Variants in GRIK4 observed in about 807,000 individuals in gnomAD.
GRIK4 encodes glutamate ionotropic receptor kainate type subunit 4.
In GRIK4, 40 loss-of-function variants were observed where a neutral mutation model predicts 104.9. The ratio of observed to expected loss-of-function variants is 0.38; its 90% CI spans 0.30 to 0.50. GRIK4 has a LOEUF of 0.50. Among genes scored for constraint, GRIK4 ranks in the 20% least tolerant of loss-of-function variants. The pLI, the probability that GRIK4 is intolerant of heterozygous loss-of-function variation, is 0.93. For synonymous variants in GRIK4, 485 were observed against 524.9 expected, an observed-to-expected ratio of 0.92 and a Z score of 1.04; for missense variants, 1,047 against 1,308.1, an observed-to-expected ratio of 0.80 and a Z score of 3.08.
intron 6 of GRIK4, among the ~76,000 whole-genome samples, chr11:120,826,853 C>T (rs1953277117): frequency 6.6e-6 from 1 of 152,220 alleles, no homozygotes; most frequent in Admixed American, 6.5e-5. Context: ...TTCTGTGCCC[C>T]TTCCCCACCT....
At chr11:120,522,316 C>CTTTT (rs955453557) in intron 1 of GRIK4, among the ~76,000 whole-genome samples, 4 of 152,008 alleles carry the variant, frequency 2.6e-5, no homozygotes, top group African/African-American at 4.8e-5. Context: ...TCCCATGGGT[C>CTTTT]TTTTTTTTCT....
At chr11:120,765,715 C>T (rs1591885126) in intron 3 of GRIK4, among the ~76,000 whole-genome samples, 1 of 152,262 alleles carries the variant, frequency 6.6e-6, no homozygotes, top group East Asian at 1.9e-4. Context: ...AACAGTCAGG[C>T]CTCTCTTCTG....
At chr11:120,776,659 T>C (rs1420504117) in intron 3 of GRIK4, among the ~76,000 whole-genome samples, 2 of 152,206 alleles carry the variant, frequency 1.3e-5, no homozygotes, top group African/African-American at 4.8e-5. Context: ...CGAGTGTTTC[T>C]GGCGCAGGGT....
At chr11:120,527,954 T>C (rs1024285224) in intron 1 of GRIK4, among the ~76,000 whole-genome samples, 6 of 152,150 alleles carry the variant, frequency 3.9e-5, no homozygotes, top group African/African-American at 1.4e-4. Flanking sequence ...TAGAGTGAGC[T>C]CATCAACAAA....
intron 3 of GRIK4, among the ~76,000 whole-genome samples, chr11:120,776,811 G>A (rs984022053): frequency 1.3e-5 from 2 of 152,226 alleles, no homozygotes; most frequent in African/African-American, 4.8e-5. Flanking sequence ...GCACCTGGCG[G>A]TGTGGGTCTC....
chr11:120,877,699 C>T (rs1954856378), intron 11 of GRIK4, among the ~76,000 whole-genome samples: 1 of 152,080 alleles, frequency 6.6e-6, no homozygotes, highest in Non-Finnish European at 1.5e-5. Context: ...ATATATGTGA[C>T]ATAGTGTCAG....
chr11:120,962,729 G>T (rs1443683719), intron 18 of GRIK4, 48 bp downstream of exon 18: 3 of 1,335,052 alleles, frequency 2.2e-6, no homozygotes, highest in Non-Finnish European at 2.1e-6. Context: ...TCCAGACAGG[G>T]TCAGGGTAGC....
At chr11:120,570,082 G>GGAGCCAC (rs1948377942) in intron 1 of GRIK4, among the ~76,000 whole-genome samples, 2 of 152,314 alleles carry the variant, frequency 1.3e-5, no homozygotes, top group East Asian at 3.9e-4. Flanking sequence ...CCTGTTGGTG[G>GGAGCCAC]CAACAATAAA....
At chr11:120,782,555 G>A (rs1952179506) in intron 3 of GRIK4, among the ~76,000 whole-genome samples, 1 of 152,130 alleles carries the variant, frequency 6.6e-6, no homozygotes, top group Non-Finnish European at 1.5e-5. Context: ...AAAGTGCTGG[G>A]ATTACAGGCA....
chr11:120,642,340 A>G (rs188185988), intron 1 of GRIK4, among the ~76,000 whole-genome samples: 179 of 151,748 alleles, frequency 1.2e-3, no homozygotes, highest in African/African-American at 3.7e-3. Flanking sequence ...TCTGTAAGGG[A>G]AAAAACAAAA....
chr11:120,724,152 T>TTTGTTTG (rs1186045178), intron 3 of GRIK4, among the ~76,000 whole-genome samples: 2 of 152,150 alleles, frequency 1.3e-5, no homozygotes, highest in Admixed American at 1.3e-4. Flanking sequence ...CCTTTTTTTG[T>TTTGTTTG]TTGTTTGTTT....
At chr11:120,531,915 G>A (rs575073480) in intron 1 of GRIK4, among the ~76,000 whole-genome samples, 4 of 152,258 alleles carry the variant, frequency 2.6e-5, no homozygotes, top group African/African-American at 4.8e-5. Context: ...CATGGTTGTG[G>A]CCCAAGGATG....
chr11:120,534,659 C>G (rs961936557), intron 1 of GRIK4, among the ~76,000 whole-genome samples: 14 of 152,180 alleles, frequency 9.2e-5, no homozygotes, highest in Non-Finnish European at 2.1e-4. Context: ...CATACAGTGT[C>G]TAGTGGATTT....
At chr11:120,665,309 T>C (rs190454291) in intron 3 of GRIK4, among the ~76,000 whole-genome samples, 7 of 152,330 alleles carry the variant, frequency 4.6e-5, no homozygotes, top group Admixed American at 4.6e-4. Context: ...TATGAAATTT[T>C]GATCAGCATG....
intron 1 of GRIK4, chr11:120,576,309 C>G (rs759683548): frequency 2.0e-5 from 3 of 152,192 alleles, no homozygotes; most frequent in Non-Finnish European, 4.4e-5. Context: ...TCATAGTTGA[C>G]ATCTTAAGAA....
At chr11:120,873,557 A>G (rs1256731613) in intron 9 of GRIK4, 1 of 152,390 alleles carries the variant, frequency 6.6e-6, no homozygotes, top group Non-Finnish European at 1.5e-5. Context: ...ATACCTACTC[A>G]TCAAGTTGTA....
At chr11:120,825,857 CT>C (rs1365127925) in intron 6 of GRIK4, among the ~76,000 whole-genome samples, 4 of 152,328 alleles carry the variant, frequency 2.6e-5, no homozygotes, top group Admixed American at 2.6e-4. Flanking sequence ...TGCAACTCTG[CT>C]TATGGCAGTG....
intron 8 of GRIK4, chr11:120,858,296 C>T (rs1038513240): frequency 2.6e-5 from 4 of 152,136 alleles, no homozygotes; most frequent in African/African-American, 9.7e-5. Flanking sequence ...TAATCCCTTC[C>T]ATTCCTGAAA....
At chr11:120,788,808 G>T (rs1160868179) in intron 3 of GRIK4, among the ~76,000 whole-genome samples, 1 of 149,678 alleles carries the variant, frequency 6.7e-6, no homozygotes, top group African/African-American at 2.5e-5. Context: ...TCCTAATTAT[G>T]CCCCCTCCCT....
Sources: gnomAD v4.1 joint callset for allele counts (sites outside exome capture counted in the v4.1 genomes callset) on GRCh38, gnomAD v4.1.1 for gene constraint, MANE v1.5 for transcripts, NCBI Gene and HGNC (gene_info 2026-07-23, HGNC 2026-07-21) for gene names.